The following PARN variants were observed in gnomAD, a reference collection of about 807,000 sequenced individuals.
PARN encodes the protein poly(A)-specific ribonuclease PARN.
In PARN, 71 loss-of-function variants were observed where a neutral mutation model predicts 102.8. That is an observed-to-expected ratio of 0.69 (90% confidence interval 0.57 to 0.84). PARN has a LOEUF of 0.84. PARN is among the 40% of genes least tolerant of loss of function. PARN has a pLI of 0.00. For missense variants in PARN, 782 were observed against 760.9 expected, an observed-to-expected ratio of 1.03 and a Z score of -0.33; for synonymous variants, 261 against 252.9, an observed-to-expected ratio of 1.03 and a Z score of -0.30.
At chr16:14,506,921 T>C (rs57648581) in intron 21 of PARN, among the ~76,000 whole-genome samples, 9,719 of 152,268 alleles carry the variant, frequency 0.064, 805 homozygotes, top group African/African-American at 0.19. Context: ...AGAAAATGCA[T>C]TCTCTCTCAG....
At chr16:14,595,599 C>T (rs939480953) in intron 12 of PARN, among the ~76,000 whole-genome samples, 2 of 151,736 alleles carry the variant, frequency 1.3e-5, no homozygotes, top group African/African-American at 2.4e-5. Flanking sequence ...GTGGCATAAT[C>T]TCAGCTCACT....
At chr16:14,539,529 A>C (rs923244389) in intron 21 of PARN, among the ~76,000 whole-genome samples, 6 of 152,370 alleles carry the variant, frequency 3.9e-5, no homozygotes, top group Admixed American at 3.9e-4. Flanking sequence ...TAATTCTCCA[A>C]ATTGAACACA....
chr16:14,464,139 A>G (rs1465552983), intron 22 of PARN, among the ~76,000 whole-genome samples: 2 of 152,084 alleles, frequency 1.3e-5, no homozygotes, highest in Admixed American at 1.3e-4. Context: ...CACTGCACCC[A>G]GCCCAACATG....
chr16:14,455,472 C>T (rs779028755), intron 22 of PARN, among the ~76,000 whole-genome samples: 2 of 152,138 alleles, frequency 1.3e-5, no homozygotes, highest in Non-Finnish European at 2.9e-5. Flanking sequence ...CCGTAGCCTA[C>T]ATTAAATATT....
At chr16:14,448,345 C>T (rs1277007014) in intron 22 of PARN, among the ~76,000 whole-genome samples, 1 of 152,178 alleles carries the variant, frequency 6.6e-6, no homozygotes, top group Non-Finnish European at 1.5e-5. Flanking sequence ...GATGGGGTTT[C>T]ACCATGTTGG....
At chr16:14,606,374 G>A (rs1207681140) in intron 10 of PARN, 110 bp downstream of exon 10, 5 of 534,972 alleles carry the variant, frequency 9.3e-6, no homozygotes, top group Non-Finnish European at 1.3e-5. Context: ...TCCAGCCTGG[G>A]TAATCAGAGA....
At chr16:14,626,748 G>A (rs1286197284) in intron 5 of PARN, among the ~76,000 whole-genome samples, 1 of 151,832 alleles carries the variant, frequency 6.6e-6, no homozygotes, top group Non-Finnish European at 1.5e-5. Flanking sequence ...AAGTAGCTGG[G>A]ATTACAGGCA....
chr16:14,478,796 T>C (rs1284932626), intron 22 of PARN, among the ~76,000 whole-genome samples: 2 of 152,220 alleles, frequency 1.3e-5, no homozygotes, highest in Non-Finnish European at 1.5e-5. Context: ...ATTTCTTTTT[T>C]TTGAGATGAA....
chr16:14,500,448 T>C (rs975069413), intron 21 of PARN, among the ~76,000 whole-genome samples: 1 of 152,084 alleles, frequency 6.6e-6, no homozygotes, highest in Admixed American at 6.6e-5. Flanking sequence ...CAGGCTGGAG[T>C]GCAGTGGCTA....
At chr16:14,587,078 T>C (rs1239813100) in intron 13 of PARN, among the ~76,000 whole-genome samples, 1 of 152,226 alleles carries the variant, frequency 6.6e-6, no homozygotes, top group Non-Finnish European at 1.5e-5. Context: ...TCCTGACTCT[T>C]TGTAAACTAC....
In PARN at chr16:14,438,441, TG is replaced by T. The variant is rs375043884; in HGVS notation, c.1865-1670del. Among the ~76,000 whole-genome samples, 1,055 of 106,654 alleles carry T rather than the reference TG, an allele frequency of 9.9e-3. 44 individuals carry two copies. The highest frequency in any genetic ancestry group is 0.018 in the African/African-American group (477 of 25,984). The allele number at this position is 106,654 out of a possible 152,430, so 70.0% of individuals were successfully genotyped here. On this transcript the variant is annotated intron_variant, in intron 23 of 23. Coordinates refer to ENST00000437198, the MANE Select transcript of PARN (RefSeq NM_002582.4). Reference sequence around the variant, plus strand: ...CTGCCAATCTGCACCTGCCATTAGTTGGGGGGGGGGGTGTGTGAGTGCACAG... The same window carrying T: ...CTGCCAATCTGCACCTGCCATTAGTTGGGGGGGGGGTGTGTGAGTGCACAG...
intron 21 of PARN, among the ~76,000 whole-genome samples, chr16:14,533,179 G>A (rs1966444607): frequency 2.0e-5 from 3 of 152,118 alleles, no homozygotes; most frequent in African/African-American, 2.4e-5. Context: ...CGAGGCTGGC[G>A]GATCACTCGC....
intron 22 of PARN, among the ~76,000 whole-genome samples, chr16:14,449,893 G>A (rs1425084506): frequency 6.6e-6 from 1 of 152,146 alleles, no homozygotes; most frequent in Non-Finnish European, 1.5e-5. Context: ...TGGTATGAAT[G>A]CAAAATCGCA....
At chr16:14,620,455 C>G (rs1170626959) in intron 5 of PARN, among the ~76,000 whole-genome samples, 2 of 152,186 alleles carry the variant, frequency 1.3e-5, no homozygotes, top group Non-Finnish European at 2.9e-5. Context: ...TTATGGAGTT[C>G]ATACTCAAAT....
intron 22 of PARN, among the ~76,000 whole-genome samples, chr16:14,456,632 A>G (rs1345714284): frequency 6.6e-6 from 1 of 152,156 alleles, no homozygotes; most frequent in East Asian, 1.9e-4. Flanking sequence ...GGACACATGT[A>G]CACTCCCATT....
At chr16:14,610,371 G>T (rs1971454256) in intron 7 of PARN, among the ~76,000 whole-genome samples, 1 of 151,798 alleles carries the variant, frequency 6.6e-6, no homozygotes, top group Non-Finnish European at 1.5e-5. Context: ...TACTCTGGAG[G>T]CTGAGGCACA....
chr16:14,546,262 T>G (rs561965174), intron 21 of PARN, among the ~76,000 whole-genome samples: 1 of 152,262 alleles, frequency 6.6e-6, no homozygotes, highest in Non-Finnish European at 1.5e-5. Context: ...AATATTTATC[T>G]GTTCAGCATA....
At chr16:14,593,573 T>A (rs1970332246) in intron 12 of PARN, among the ~76,000 whole-genome samples, 195 bp from the exon 13 acceptor site, 1 of 145,896 alleles carries the variant, frequency 6.9e-6, no homozygotes, top group Non-Finnish European at 1.5e-5. Flanking sequence ...CATTTTGGAA[T>A]GTTAAATCCA....
At chr16:14,608,513 A>C (rs1346183848) in intron 8 of PARN, among the ~76,000 whole-genome samples, 194 bp from the exon 9 acceptor site, 1 of 152,170 alleles carries the variant, frequency 6.6e-6, no homozygotes, top group Non-Finnish European at 1.5e-5. Context: ...ATTTTCTTTA[A>C]TATTATGCTG....
Sources: allele counts gnomAD v4.1 joint callset (sites outside exome capture counted in the v4.1 genomes callset), GRCh38; gene constraint gnomAD v4.1.1; transcripts MANE v1.5; gene names NCBI Gene and HGNC (gene_info 2026-07-23, HGNC 2026-07-21).